LIPE: variants seen among roughly 807,000 people sequenced by gnomAD.
LIPE encodes the protein hormone-sensitive lipase.
LIPE carries 66 observed loss-of-function variants against 88.5 expected under a neutral mutation model. The observed-to-expected ratio is 0.75, with a 90% CI of 0.61 to 0.91. LIPE has a LOEUF of 0.91. Among genes scored for constraint, LIPE ranks in the 40% least tolerant of loss-of-function variants. The pLI, the probability that LIPE is intolerant of heterozygous loss-of-function variation, is 0.00. For missense variants in LIPE, 1,346 were observed against 1,434.7 expected, an observed-to-expected ratio of 0.94 and a Z score of 1.00; for synonymous variants, 570 against 617.5, an observed-to-expected ratio of 0.92 and a Z score of 1.14.
Position 42,426,672 on chromosome 19 carries a change from G to A in LIPE, c.478C>T (p.Gln160Ter). 6.2e-7 allele frequency: 1 copy of A among 1,614,242 alleles called. No individual in the cohort carries two copies. The highest frequency in any genetic ancestry group is 1.1e-5 in the South Asian group (1 of 91,088). ...QQEAESTPAA[Q>*]AKPGAKREPS... ...TCCCTTTTGGCTCCAGGTTTAGCCT[G>A]GGCCGCAGGTGTTGATTCAGCTTCT... is the stretch of plus-strand genomic sequence containing the variant. Residue 160 changes from glutamine (Q) to a stop codon, truncating the protein, a stop_gained, in exon 1 of 10, where the codon CAG (glutamine) becomes TAG (stop). Coordinates refer to ENST00000244289, the MANE Select transcript of LIPE (RefSeq NM_005357.4). LOFTEE classifies it high-confidence loss of function.
At position 42,402,776 on chromosome 19, in the gene LIPE, C is replaced by T. The variant is rs1445053144; in HGVS notation, c.2798G>A (p.Arg933Lys). The T allele has an allele frequency of 1.9e-6, 3 of 1,600,918 alleles. No homozygotes were observed. The highest frequency in any genetic ancestry group is 1.7e-6 in the Non-Finnish European group (2 of 1,170,054). The change falls in exon 9 of 10, where the codon AGA becomes AAA. Residue 933 changes from arginine to lysine, a missense_variant. Physicochemically the swap from Arg to Lys is conservative, Grantham distance 26 (BLOSUM62 2). Transcript: ENST00000244289. ...GAAGGCGGCACGGACGCCCAGGCCT[C>T]TGTCCATGGGGCTCAGCTCATTTTT... ...EAKNELSPMD[R>K]GLGVRAAFPE... is the part of the protein sequence containing the mutation.
intron 1 of LIPE, chr19:42,412,690 A>C: frequency 2.5e-6 from 1 of 400,040 alleles, no homozygotes. Flanking sequence ...CAGCCCCTTC[A>C]TCCTTTAGGA....
intron 1 of LIPE, among the ~76,000 whole-genome samples, chr19:42,412,049 G>A (rs1408633217): frequency 1.3e-5 from 2 of 152,156 alleles, no homozygotes; most frequent in Non-Finnish European, 2.9e-5. Context: ...ACTTATGTGG[G>A]GCTCCCCGCT....
At chr19:42,419,819 CGA>C (rs796251738) in intron 1 of LIPE, among the ~76,000 whole-genome samples, 2 of 151,918 alleles carry the variant, frequency 1.3e-5, no homozygotes, top group South Asian at 2.1e-4. Flanking sequence ...GCTGGATCCC[CGA>C]GAGTGTGTGC....
At chr19:42,424,183 A>C in intron 1 of LIPE, 5 of 1,052,538 alleles carry the variant, frequency 4.8e-6, no homozygotes, top group Non-Finnish European at 6.3e-6. Context: ...CCGCCCCCTA[A>C]TCCATGCTCC....
chr19:42,407,786 C>G lies in LIPE; in HGVS notation c.1662G>C (p.Leu554=), dbSNP rs772359830. ...NITEMEVLSS[L]ANMASATVRV... ...TCACGGTGGCCGATGCCATGTTGGCCAGAGACTGGAGGGAGGGGACAGAAG... is the reference window on the plus strand; with the variant it reads ...TCACGGTGGCCGATGCCATGTTGGCGAGAGACTGGAGGGAGGGGACAGAAG... The change falls in exon 5 of 10, where the codon CTG becomes CTC. Residue 554 remains leucine, a synonymous_variant. Transcript: ENST00000244289. The surrounding 1 kb of genome is among the most constrained non-coding windows in gnomAD (Gnocchi z 5.8). 2.3e-5 allele frequency: 35 copies of G among 1,547,064 alleles called. No homozygotes were observed. The Admixed American group carries it at 6.8e-4, about 30-fold the overall frequency.
rs532173570 is a variant in LIPE, at chr19:42,408,466, G to A, written c.1420-144C>T. On this transcript the variant is annotated intron_variant, in intron 2 of 9. Transcript: ENST00000244289. The surrounding 1 kb of genome is among the most constrained non-coding windows in gnomAD (Gnocchi z 4.3). ...CTACTGTGTGCTGGGCATAGCTCTC[G>A]GCTGGTTCACGGACCTGATGTTCTC... 1.1e-5 allele frequency: 8 copies of A among 695,886 alleles called. No homozygotes were observed. The highest frequency in any genetic ancestry group is 3.3e-5 in the South Asian group (2 of 60,754). The allele number at this position is 695,886 out of a possible 1,614,324, so 43.1% of individuals were successfully genotyped here.
rs1568613800 is a variant in LIPE at position 42,423,500 on chromosome 19, CGGCCTCGGCG to C, written c.883+2757_883+2766del. ...GCATTCTTCGAGGCCGGGGCCATAGCGGCCTCGGCGGGCTCCGTTCCCCCGGCCAACTCCA... is the reference window on the plus strand; with the variant it reads ...GCATTCTTCGAGGCCGGGGCCATAGCGGCTCCGTTCCCCCGGCCAACTCCA... On this transcript the variant is annotated intron_variant, in intron 1 of 9. Coordinates refer to ENST00000244289, the MANE Select transcript of LIPE (RefSeq NM_005357.4). The C allele has an allele frequency of 7.0e-6, 9 of 1,278,578 alleles. No homozygotes were observed. In the East Asian group the frequency reaches 5.1e-4, roughly 72 times the overall value. The allele number at this position is 1,278,578 out of a possible 1,614,324, so 79.2% of individuals were successfully genotyped here.
intron 1 of LIPE, chr19:42,423,279 C>G: frequency 1.9e-6 from 1 of 518,098 alleles, no homozygotes; most frequent in Non-Finnish European, 3.1e-6. Context: ...TGGATCATCC[C>G]GTTGTCCCCG....
chr19:42,413,624 C>G (rs1355071744), intron 1 of LIPE, among the ~76,000 whole-genome samples: 1 of 152,198 alleles, frequency 6.6e-6, no homozygotes, highest in Non-Finnish European at 1.5e-5. Context: ...CAAGATCGTG[C>G]CACTGCACTC....
Position 42,406,097 on chromosome 19 carries a change from C to G in LIPE, c.2365+64G>C, listed in dbSNP as rs1342320057. 2 of 1,422,640 alleles carry G rather than the reference C, an allele frequency of 1.4e-6. No individual in the cohort carries two copies. The highest frequency in any genetic ancestry group is 2.3e-5 in the East Asian group (1 of 43,244). The allele number at this position is 1,422,640 out of a possible 1,614,324, so 88.1% of individuals were successfully genotyped here. ...CAGTCACAGGAGTCCTGGTCCCCAG[C>G]CCGTCCCTGCAGGAGTCAGACATCC... is the stretch of plus-strand genomic sequence containing the variant. On this transcript the variant is annotated intron_variant, in intron 7 of 9. Transcript: ENST00000244289. This position sits in a 1 kb window ranked among gnomAD's most constrained non-coding sequence, Gnocchi z 5.7.
intron 1 of LIPE, chr19:42,411,228 C>A: frequency 1.2e-6 from 1 of 844,844 alleles, no homozygotes; most frequent in Non-Finnish European, 1.4e-6. Flanking sequence ...TCCGGACATT[C>A]CCTGAGCCCA....
intron 1 of LIPE, 47 bp downstream of exon 1, chr19:42,426,220 G>T: frequency 2.8e-6 from 4 of 1,453,852 alleles, no homozygotes; most frequent in Non-Finnish European, 3.7e-6. Flanking sequence ...TTAAGTAAAT[G>T]AATGACTGTC....
Position 42,407,128 on chromosome 19 carries a change from G to A in LIPE, c.2137+46C>T, listed in dbSNP as rs1469268326. On this transcript the variant is annotated intron_variant, in intron 6 of 9. Coordinates refer to ENST00000244289, the MANE Select transcript of LIPE (RefSeq NM_005357.4). The surrounding 1 kb of genome is among the most constrained non-coding windows in gnomAD (Gnocchi z 5.8). ...GCTGGAGGAGCTTAAAGCAAGCTGGGTGGGATGGGAGCAGGCGCAGGTGGC... is the reference window on the plus strand; with the variant it reads ...GCTGGAGGAGCTTAAAGCAAGCTGGATGGGATGGGAGCAGGCGCAGGTGGC... 6 of 1,446,032 alleles carry A rather than the reference G, an allele frequency of 4.1e-6. No individual in the cohort carries two copies. Among genetic ancestry groups the A allele is most frequent in the Admixed American group, 2.6e-5 (1 of 38,676 alleles). 89.6% of individuals were successfully genotyped at this position (1,446,032 alleles called of 1,614,324 possible).
intron 1 of LIPE, among the ~76,000 whole-genome samples, chr19:42,422,782 G>T (rs569709250): frequency 6.6e-6 from 1 of 152,188 alleles, no homozygotes; most frequent in Non-Finnish European, 1.5e-5. Flanking sequence ...AGGTGTGGAG[G>T]TCTGAAGCCA....
intron 1 of LIPE, among the ~76,000 whole-genome samples, chr19:42,418,968 G>A (rs966277576): frequency 3.9e-5 from 6 of 152,064 alleles, no homozygotes; most frequent in African/African-American, 1.2e-4. Flanking sequence ...CATCCATGCC[G>A]GTAGGGATCT....
chr19:42,422,197 C>T (rs979007960), intron 1 of LIPE, among the ~76,000 whole-genome samples: 14 of 152,302 alleles, frequency 9.2e-5, no homozygotes, highest in African/African-American at 2.9e-4. Context: ...GGGTTTGCTG[C>T]GTGCCTGTGC....
At chr19:42,420,160 G>T (rs573593336) in intron 1 of LIPE, among the ~76,000 whole-genome samples, 32 of 152,136 alleles carry the variant, frequency 2.1e-4, no homozygotes, top group African/African-American at 7.5e-4. Context: ...ACAGAAAGGT[G>T]ACATAACCCC....
At chr19:42,423,341 G>A (rs2040637528) in intron 1 of LIPE, 4 of 1,126,334 alleles carry the variant, frequency 3.6e-6, no homozygotes, top group Non-Finnish European at 3.5e-6. Context: ...GTGGCAGTGG[G>A]CCAGTCCACG....
Sources: gnomAD v4.1 joint callset for allele counts (sites outside exome capture counted in the v4.1 genomes callset) on GRCh38, gnomAD v4.1.1 for gene constraint, Gnocchi (gnomAD v3.1) non-coding constraint, MANE v1.5 for transcripts, NCBI Gene and HGNC (gene_info 2026-07-23, HGNC 2026-07-21) for gene names.